CCDC187: variants seen among roughly 807,000 people sequenced by gnomAD.
CCDC187 encodes the protein coiled-coil domain-containing protein 187.
In CCDC187, 32 loss-of-function variants were observed where a neutral mutation model predicts 38.0. The observed-to-expected ratio is 0.84, with a 90% CI of 0.64 to 1.13. The LOEUF (loss-of-function observed/expected upper bound fraction) is 1.13, where lower values mean the gene tolerates loss of function less well. Ranked by LOEUF, CCDC187 falls within the 50% of genes most tolerant of loss-of-function variation. The probability of loss-of-function intolerance (pLI) is 0.00; values close to 1 mark genes in which losing one functional copy is unlikely to be tolerated. For synonymous variants in CCDC187, 333 were observed against 347.9 expected (o/e 0.96, Z 0.48); for missense variants, 707 against 786.8 (o/e 0.90, Z 1.21).
chr9:136,283,239 A>C (rs1003482542), intron 9 of CCDC187, among the ~76,000 whole-genome samples: 1 of 152,132 alleles, frequency 6.6e-6, no homozygotes, highest in Non-Finnish European at 1.5e-5. Flanking sequence ...ACAGAGCAAG[A>C]CTCCATCTCA....
chr9:136,300,885 G>A (rs917630283), intron 2 of CCDC187, among the ~76,000 whole-genome samples: 5 of 152,262 alleles, frequency 3.3e-5, no homozygotes. Flanking sequence ...ACAGGCGTGA[G>A]CCACCGCGCC....
At position 136,263,789 on chromosome 9, in the gene CCDC187, G is replaced by A. The variant is rs1159807978; in HGVS notation, c.3745C>T (p.Gln1249Ter). ...AACAGCTGCGTGTGTCTCAGGTATTGGATTTCCCTCTGAGCAGGCAAAATA... is the reference window on the plus strand; with the variant it reads ...AACAGCTGCGTGTGTCTCAGGTATTAGATTTCCCTCTGAGCAGGCAAAATA... ...SRLEKEQREI[Q>*]YLRHTQLFRH... The change falls in exon 18 of 26, where the codon CAA becomes TAA. Residue 1249 changes from glutamine (Q) to a stop codon, truncating the protein, a stop_gained. Transcript: ENST00000638797. LOFTEE classifies it high-confidence loss of function. 1.0e-6 allele frequency: 1 copy of A among 985,362 alleles called. No individual in the cohort carries two copies. The highest frequency in any genetic ancestry group is 6.1e-5 in the Admixed American group (1 of 16,270). The allele number at this position is 985,362 out of a possible 1,614,324, so 61.0% of individuals were successfully genotyped here. A position where few individuals can be genotyped will look rare whatever the true frequency, so the allele number is the denominator to read the frequency against.
rs1830548119 is a variant in CCDC187, at chr9:136,252,054, G to A, written c.*1540C>T. 2 of 116,812 alleles carry A rather than the reference G, an allele frequency of 1.7e-5. No individual in the cohort carries two copies. Among genetic ancestry groups the A allele is most frequent in the African/African-American group, 6.3e-5 (2 of 31,518 alleles). 7.2% of individuals were successfully genotyped at this position (116,812 alleles called of 1,614,324 possible). A position where few individuals can be genotyped will look rare whatever the true frequency, so the allele number is the denominator to read the frequency against. On this transcript the variant is annotated 3_prime_UTR_variant, in exon 26 of 26. Coordinates refer to ENST00000638797, the MANE Select transcript of CCDC187 (RefSeq NM_001378188.1). ...CCCAGTCCACCCTGGGAAGGTCCAG[G>A]CAACCATCCCGCACAGCCGGCCGCC...
Position 136,261,187 on chromosome 9 carries a change from C to T in CCDC187, c.4065-923G>A, listed in dbSNP as rs534073369. Among the ~76,000 whole-genome samples, 6 of 152,230 alleles carry T rather than the reference C, an allele frequency of 3.9e-5. No individual in the cohort carries two copies. In the South Asian group the frequency reaches 8.3e-4, roughly 21 times the overall value. On this transcript the variant is annotated intron_variant, in intron 19 of 25. Transcript: ENST00000638797. ...GGGAGTGCTCATAGACACACCCCGA[C>T]CCCAAGGCGCCCAGCTCACAGCTGA...
chr9:136,254,912 A>T lies in CCDC187; in HGVS notation c.4916T>A (p.Leu1639Gln). Residue 1639 changes from leucine to glutamine, a missense_variant, in exon 26 of 26, where the codon CTG (leucine) becomes CAG (glutamine). Leu to Gln is a moderately radical substitution (Grantham distance 113). Transcript: ENST00000638797. ...GCTGGAGCTCCCAGAAAGCTGGATC[A>T]GGGTAGCCGCTGCTTTCTGGAACTC... ...LWEFQKAAAT[L>Q]IQLSGSSSSL... 1 of 985,510 alleles carries T rather than the reference A, an allele frequency of 1.0e-6. No individual in the cohort carries two copies. The highest frequency in any genetic ancestry group is 1.2e-6 in the Non-Finnish European group (1 of 829,964). The allele number at this position is 985,510 out of a possible 1,614,324, so 61.0% of individuals were successfully genotyped here.
At chr9:136,286,056 C>T (rs1400079975) in intron 8 of CCDC187, 29 bp downstream of exon 8, 2 of 398,162 alleles carry the variant, frequency 5.0e-6, no homozygotes, top group Admixed American at 4.4e-5. Context: ...GGCCACCCAG[C>T]GGTCACCGTG....
At chr9:136,277,312 A>C in intron 10 of CCDC187, among the ~76,000 whole-genome samples, 1 of 16,418 alleles carries the variant, frequency 6.1e-5, no homozygotes, top group South Asian at 3.1e-3. Flanking sequence ...GTGGGTGTGA[A>C]CGGGGTGGGT....
rs575178350 is a variant in CCDC187 at position 136,259,484 on chromosome 9, C to T, written c.4211-36G>A. ...CAATCCCAGGAGTCACCAGCAGCAACCACAGACTGAGACCAGGAAGGGAAG... is the reference window on the plus strand; with the variant it reads ...CAATCCCAGGAGTCACCAGCAGCAATCACAGACTGAGACCAGGAAGGGAAG... On this transcript the variant is annotated intron_variant, in intron 20 of 25. Transcript: ENST00000638797. The T allele has an allele frequency of 5.3e-4, 507 of 964,738 alleles. No individual in the cohort carries two copies. The African/African-American group carries it at 8.5e-3, about 16-fold the overall frequency. The allele number at this position is 964,738 out of a possible 1,614,324, so 59.8% of individuals were successfully genotyped here.
Position 136,290,108 on chromosome 9 carries a change from C to T in CCDC187, c.2128-55G>A, listed in dbSNP as rs1033016118. 174 of 398,540 alleles carry T rather than the reference C, an allele frequency of 4.4e-4. 1 individual carries two copies. Among genetic ancestry groups the T allele is most frequent in the Middle Eastern group, 1.3e-3 (2 of 1,588 alleles). 24.7% of individuals were successfully genotyped at this position (398,540 alleles called of 1,614,324 possible). A position where few individuals can be genotyped will look rare whatever the true frequency, so the allele number is the denominator to read the frequency against. On this transcript the variant is annotated intron_variant, in intron 6 of 25. Transcript: ENST00000638797. Reference sequence around the variant, plus strand: ...CCCCGCTCGGGAAGACCACACGCCCCGTTCTCTCAGCCTCAGAGCTAGGCC... The same window carrying T: ...CCCCGCTCGGGAAGACCACACGCCCTGTTCTCTCAGCCTCAGAGCTAGGCC...
At chr9:136,278,482 C>T (rs889388485) in intron 10 of CCDC187, among the ~76,000 whole-genome samples, 2 of 152,228 alleles carry the variant, frequency 1.3e-5, no homozygotes, top group Admixed American at 1.3e-4. Context: ...CCAGTGAGTG[C>T]CCTGACTCCT....
At chr9:136,278,619 A>G (rs1744307433) in intron 10 of CCDC187, among the ~76,000 whole-genome samples, 2 of 152,194 alleles carry the variant, frequency 1.3e-5, no homozygotes, top group African/African-American at 2.4e-5. Context: ...CACTGCTGGT[A>G]GTGATGATGT....
At position 136,254,700 on chromosome 9, in the gene CCDC187, G is replaced by A. The variant is rs537734105; in HGVS notation, c.5128C>T (p.Arg1710Cys). 3.5e-5 allele frequency: 34 copies of A among 985,370 alleles called. No homozygotes were observed. The highest frequency in any genetic ancestry group is 1.2e-4 in the African/African-American group (7 of 57,234). The allele number at this position is 985,370 out of a possible 1,614,324, so 61.0% of individuals were successfully genotyped here. Residue 1710 changes from arginine (R) to cysteine (C), a missense_variant, in exon 26 of 26, where the codon CGC becomes TGC. By Grantham distance (180) the Arg-to-Cys change is radical (BLOSUM62 -3). Transcript: ENST00000638797. Reference sequence around the variant, plus strand: ...GAGCCACGCAGGGGGCCGGCCCTGCGGCCCTGGGGCCTCTGCCAGGTCACC... The same window carrying A: ...GAGCCACGCAGGGGGCCGGCCCTGCAGCCCTGGGGCCTCTGCCAGGTCACC... ...GWVTWQRPQGRRAGPLRGSSL... is the reference protein window; with the variant it reads ...GWVTWQRPQGCRAGPLRGSSL...
chr9:136,297,818 A>G lies in CCDC187; in HGVS notation c.728T>C (p.Leu243Pro). 2.6e-6 allele frequency: 1 copy of G among 381,016 alleles called. No homozygotes were observed. The highest frequency in any genetic ancestry group is 4.6e-6 in the Non-Finnish European group (1 of 215,186). The allele number at this position is 381,016 out of a possible 1,614,324, so 23.6% of individuals were successfully genotyped here. ...SRVSQHQVPV[L>P]REKPKRVKSS... ...TTTGACCCTTTTGGGTTTTTCCCTC[A>G]GAACTTCAGTGAGGAAGAGAAAGGA... The change falls in exon 4 of 26, where the codon CTG (leucine) becomes CCG (proline). Residue 243 changes from leucine (L) to proline (P), a missense_variant. Coordinates refer to ENST00000638797, the MANE Select transcript of CCDC187 (RefSeq NM_001378188.1).
intron 7 of CCDC187, among the ~76,000 whole-genome samples, chr9:136,289,518 CAAAAA>C (rs878962393): frequency 1.5e-5 from 1 of 67,298 alleles, no homozygotes; most frequent in African/African-American, 6.4e-5. Flanking sequence ...AACTCCATCT[CAAAAA>C]AAAAAAAAAA....
rs376074452 is a variant in CCDC187 at position 136,252,265 on chromosome 9, T to C, written c.*1329A>G. The C allele has an allele frequency of 4.0e-3, 348 of 87,244 alleles. No individual in the cohort carries two copies. Among genetic ancestry groups the C allele is most frequent in the Non-Finnish European group, 5.3e-3 (241 of 45,074 alleles). The allele number at this position is 87,244 out of a possible 1,614,324, so 5.4% of individuals were successfully genotyped here. ...CCCGGGAAGGTCCAGGCGACCGTCCTGCGGAGCCGGCCGCCCACCTGGTCC... is the reference window on the plus strand; with the variant it reads ...CCCGGGAAGGTCCAGGCGACCGTCCCGCGGAGCCGGCCGCCCACCTGGTCC... On this transcript the variant is annotated 3_prime_UTR_variant, in exon 26 of 26. Coordinates refer to ENST00000638797, the MANE Select transcript of CCDC187 (RefSeq NM_001378188.1).
In CCDC187 at chr9:136,250,372, A is replaced by G. The variant is rs1554759129; in HGVS notation, c.*3222T>C. 2.3e-5 allele frequency: 5 copies of G among 216,926 alleles called. No individual in the cohort carries two copies. The highest frequency in any genetic ancestry group is 5.8e-5 in the South Asian group (1 of 17,322). 13.4% of individuals were successfully genotyped at this position (216,926 alleles called of 1,614,324 possible). On this transcript the variant is annotated 3_prime_UTR_variant, in exon 26 of 26. Transcript: ENST00000638797. ...CAGCTGTGACTGCAGCCGCCACCGCATTGCGCCGCACGTCAGCACCAACCA... is the reference window on the plus strand; with the variant it reads ...CAGCTGTGACTGCAGCCGCCACCGCGTTGCGCCGCACGTCAGCACCAACCA...
chr9:136,306,626 A>C (rs1831807520), upstream of CCDC187, among the ~76,000 whole-genome samples: 1 of 152,192 alleles, frequency 6.6e-6, no homozygotes, highest in East Asian at 1.9e-4. Flanking sequence ...AGCCTAAGTC[A>C]TGTGTCCAGG....
chr9:136,278,160 A>G (rs986122431), intron 10 of CCDC187, among the ~76,000 whole-genome samples: 1 of 152,194 alleles, frequency 6.6e-6, no homozygotes, highest in Non-Finnish European at 1.5e-5. Flanking sequence ...TTTTTTGCAA[A>G]GGGAAGAAAC....
intron 21 of CCDC187, 36 bp downstream of exon 21, chr9:136,259,327 G>A (rs1278140724): frequency 2.0e-5 from 19 of 934,466 alleles, no homozygotes; most frequent in African/African-American, 3.7e-5. Context: ...TGAAACAGGC[G>A]GTGCTGGGGA....
Sources: allele counts gnomAD v4.1 joint callset (sites outside exome capture counted in the v4.1 genomes callset), GRCh38; gene constraint gnomAD v4.1.1; transcripts MANE v1.5; gene names NCBI Gene and HGNC (gene_info 2026-07-23, HGNC 2026-07-21).